The following ANK1 variants were observed in gnomAD, a reference collection of about 807,000 sequenced individuals.
ANK1 encodes ankyrin-1.
In ANK1, 51 loss-of-function variants were observed where a neutral mutation model predicts 210.4. The ratio of observed to expected loss-of-function variants is 0.24; its 90% CI spans 0.19 to 0.31. The LOEUF (loss-of-function observed/expected upper bound fraction) is 0.31, where lower values mean the gene tolerates loss of function less well. Among genes scored for constraint, ANK1 ranks in the 10% least tolerant of loss-of-function variants. The pLI, the probability that ANK1 is intolerant of heterozygous loss-of-function variation, is 1.00. For synonymous variants in ANK1, 967 were observed against 1,025.9 expected (o/e 0.94, Z 1.10); for missense variants, 2,051 against 2,504.4 (o/e 0.82, Z 3.86).
In ANK1 at chr8:41,688,140, C is replaced by T. The variant is rs773161220; in HGVS notation, c.4258+16G>A. Reference sequence around the variant, plus strand: ...AGATGGACAAAGTGCTTTTCTGCCCCCAATTCCCCACTCACCTGCCCAGCT... The same window carrying T: ...AGATGGACAAAGTGCTTTTCTGCCCTCAATTCCCCACTCACCTGCCCAGCT... On this transcript the variant is annotated intron_variant, in intron 35 of 42. Transcript: ENST00000289734. 1 of 1,613,822 alleles carries T rather than the reference C, an allele frequency of 6.2e-7. No individual in the cohort carries two copies. The highest frequency in any genetic ancestry group is 1.1e-5 in the South Asian group (1 of 91,066).
At chr8:41,761,233 AC>A (rs1840349995) in intron 1 of ANK1, among the ~76,000 whole-genome samples, 1 of 151,476 alleles carries the variant, frequency 6.6e-6, no homozygotes, top group African/African-American at 2.4e-5. Flanking sequence ...ATGTGTGCAC[AC>A]AAATCTACAC....
intron 24 of ANK1, among the ~76,000 whole-genome samples, chr8:41,697,227 C>T (rs1343562497): frequency 6.6e-6 from 1 of 152,174 alleles, no homozygotes; most frequent in South Asian, 2.1e-4. Context: ...CATTTGGAGC[C>T]CATGAGGTGA....
chr8:41,813,205 T>C (rs896734985), intron 1 of ANK1, among the ~76,000 whole-genome samples: 7 of 152,202 alleles, frequency 4.6e-5, no homozygotes, highest in Non-Finnish European at 1.0e-4. Context: ...CACAGGGCAA[T>C]AGGCACAAAG....
chr8:41,767,220 C>G (rs866944530), intron 1 of ANK1, among the ~76,000 whole-genome samples: 1 of 152,056 alleles, frequency 6.6e-6, no homozygotes, highest in Admixed American at 6.6e-5. Context: ...GGAAAGTTGG[C>G]GCCGGGCAGC....
intron 1 of ANK1, among the ~76,000 whole-genome samples, chr8:41,875,633 G>C (rs1315662616): frequency 1.3e-5 from 2 of 152,202 alleles, no homozygotes; most frequent in African/African-American, 4.8e-5. Flanking sequence ...TGCCAGGGAT[G>C]CGTGAGTGAT....
chr8:41,833,800 G>GCCACCACCA (rs2150799413), intron 1 of ANK1, among the ~76,000 whole-genome samples: 1 of 152,296 alleles, frequency 6.6e-6, no homozygotes. Context: ...CTAGGGGACA[G>GCCACCACCA]CCACCACCAC....
chr8:41,656,002 CTTCT>C (rs1334492881), intron 42 of ANK1, among the ~76,000 whole-genome samples: 1 of 152,238 alleles, frequency 6.6e-6, no homozygotes, highest in Non-Finnish European at 1.5e-5. Flanking sequence ...TCATGAATTC[CTTCT>C]GAGTGTGCAA....
chr8:41,876,421 C>T (rs73626666), intron 1 of ANK1, among the ~76,000 whole-genome samples: 6,968 of 152,342 alleles, frequency 0.046, 550 homozygotes, highest in African/African-American at 0.16. Context: ...ATCGTGCCCC[C>T]TGGGGGCTGG....
At chr8:41,671,141 C>T (rs1016945145) in intron 38 of ANK1, among the ~76,000 whole-genome samples, 2 of 152,166 alleles carry the variant, frequency 1.3e-5, no homozygotes, top group African/African-American at 4.8e-5. Flanking sequence ...CCTGACCTGC[C>T]GACGCTGCTT....
At chr8:41,824,265 CTT>C (rs1488223438) in intron 1 of ANK1, among the ~76,000 whole-genome samples, 1 of 152,104 alleles carries the variant, frequency 6.6e-6, no homozygotes, top group African/African-American at 2.4e-5. Flanking sequence ...GTGCCCAGCC[CTT>C]TTTCAGTATT....
In ANK1 at chr8:41,723,644, G is replaced by A; in HGVS notation, c.712-11C>T. The A allele has an allele frequency of 1.2e-6, 2 of 1,611,020 alleles. No homozygotes were observed. The highest frequency in any genetic ancestry group is 1.1e-5 in the South Asian group (1 of 91,028). On this transcript the variant is annotated splice_polypyrimidine_tract_variant and intron_variant, in intron 7 of 42. Transcript: ENST00000289734. ...TGGCGTGATGCCGTTCTGAAGGGAG[G>A]AAGCAGGACGGTCAGGGCGCGTCAT...
intron 1 of ANK1, among the ~76,000 whole-genome samples, chr8:41,817,487 T>C (rs1190813932): frequency 2.6e-5 from 4 of 152,204 alleles, no homozygotes; most frequent in Non-Finnish European, 5.9e-5. Context: ...ACAGTTGTTT[T>C]TAATTCCCCT....
intron 2 of ANK1, among the ~76,000 whole-genome samples, chr8:41,736,515 G>T (rs749496265): frequency 2.6e-5 from 4 of 152,210 alleles, no homozygotes; most frequent in Non-Finnish European, 4.4e-5. Context: ...TGTGGCTGTC[G>T]GCATGGCTGG....
chr8:41,751,667 C>T (rs1837729750), intron 2 of ANK1, among the ~76,000 whole-genome samples: 2 of 152,042 alleles, frequency 1.3e-5, no homozygotes, highest in Non-Finnish European at 1.5e-5. Flanking sequence ...CCTCTGGCCT[C>T]CCCACCTCTC....
At position 41,703,440 on chromosome 8, in the gene ANK1, ATATATATATAT is replaced by A. The variant is rs1158951025; in HGVS notation, c.2295+590_2295+600del. 5.8e-5 allele frequency among the ~76,000 whole-genome samples: 4 copies of A among 68,764 alleles called. No individual in the cohort carries two copies. In the Admixed American group the frequency reaches 6.5e-4, roughly 11 times the overall value. 45.1% of individuals were successfully genotyped at this position (68,764 alleles called of 152,430 possible). A position where few individuals can be genotyped will look rare whatever the true frequency, so the allele number is the denominator to read the frequency against. ...TGTGTGTGTATATATATATATATAT[ATATATATATAT>A]TTTTTTTTTTTTTTTAAGACACAAG... On this transcript the variant is annotated intron_variant, in intron 20 of 42. Coordinates refer to ENST00000289734, the MANE Select transcript of ANK1 (RefSeq NM_000037.4).
chr8:41,872,995 G>A (rs1036334754), intron 1 of ANK1, among the ~76,000 whole-genome samples: 1 of 152,208 alleles, frequency 6.6e-6, no homozygotes, highest in Admixed American at 6.5e-5. Context: ...CCTCTTCAAC[G>A]GAAAAGAAGT....
At chr8:41,873,229 T>C (rs758061187) in intron 1 of ANK1, among the ~76,000 whole-genome samples, 1 of 152,240 alleles carries the variant, frequency 6.6e-6, no homozygotes, top group Non-Finnish European at 1.5e-5. Flanking sequence ...CGAACCTTCA[T>C]GCGATGTCAT....
intron 26 of ANK1, 23 bp downstream of exon 26, chr8:41,696,340 A>T (rs1238564730): frequency 1.2e-6 from 2 of 1,611,838 alleles, no homozygotes; most frequent in African/African-American, 1.3e-5. Flanking sequence ...AGGGGAGAAC[A>T]CGGGCTGCCC....
At chr8:41,826,853 G>A (rs1805478675) in intron 1 of ANK1, among the ~76,000 whole-genome samples, 1 of 151,988 alleles carries the variant, frequency 6.6e-6, no homozygotes, top group Admixed American at 6.5e-5. Flanking sequence ...GGATCTCCAT[G>A]TGAGTTTTCA....
Sources: allele counts gnomAD v4.1 joint callset (sites outside exome capture counted in the v4.1 genomes callset), GRCh38; gene constraint gnomAD v4.1.1; transcripts MANE v1.5; gene names NCBI Gene and HGNC (gene_info 2026-07-23, HGNC 2026-07-21).